The following RAB6A variants were observed in gnomAD, a reference collection of about 807,000 sequenced individuals.
RAB6A encodes ras-related protein Rab-6A.
A neutral mutation model predicts 32.3 loss-of-function variants in RAB6A; 8 were observed. The observed-to-expected ratio is 0.25, with a 90% CI of 0.15 to 0.45. RAB6A has a LOEUF of 0.45. Ranked by LOEUF, RAB6A falls within the 20% of genes least tolerant of loss-of-function variation. The pLI, the probability that RAB6A is intolerant of heterozygous loss-of-function variation, is 1.00. For missense variants in RAB6A, 104 were observed against 249.4 expected (o/e 0.42, Z 3.93); for synonymous variants, 73 against 82.1 (o/e 0.89, Z 0.60).
At chr11:73,732,587 A>C (rs12788426) in intron 1 of RAB6A, among the ~76,000 whole-genome samples, 73,281 of 151,870 alleles carry the variant, frequency 0.48, 19,040 homozygotes, top group East Asian at 0.6. Context: ...CTCTGTCTCA[A>C]AAAATATATA....
intron 3 of RAB6A, 186 bp from the exon 4 acceptor site, chr11:73,718,904 A>T (rs1386925928): frequency 3.0e-5 from 47 of 1,566,888 alleles, no homozygotes; most frequent in Non-Finnish European, 4.0e-5. Context: ...TGAGATGGGA[A>T]AAAATAAATA....
At chr11:73,755,010 C>T (rs1946725837) in intron 1 of RAB6A, among the ~76,000 whole-genome samples, 1 of 151,778 alleles carries the variant, frequency 6.6e-6, no homozygotes, top group Admixed American at 6.6e-5. Flanking sequence ...GCAACCTCCA[C>T]CTCCCGGGTT....
At chr11:73,717,752 G>C (rs1440093803) in intron 4 of RAB6A, among the ~76,000 whole-genome samples, 1 of 152,224 alleles carries the variant, frequency 6.6e-6, no homozygotes, top group Non-Finnish European at 1.5e-5. Context: ...CCTAAACCTA[G>C]CACTTTAGAA....
intron 6 of RAB6A, among the ~76,000 whole-genome samples, chr11:73,685,885 CAA>C (rs56270679): frequency 0.016 from 1,597 of 102,632 alleles, 21 homozygotes; most frequent in African/African-American, 0.069. Flanking sequence ...AACTCCGTCT[CAA>C]AAAAAAAAAA....
chr11:73,739,284 A>AAATATAT (rs1208877325), intron 1 of RAB6A, among the ~76,000 whole-genome samples: 17 of 6,756 alleles, frequency 2.5e-3, no homozygotes, highest in East Asian at 0.025. Flanking sequence ...AAAAAAAAAA[A>AAATATAT]ATATATATAT....
chr11:73,751,691 T>C (rs1247167355), intron 1 of RAB6A, among the ~76,000 whole-genome samples: 2 of 152,314 alleles, frequency 1.3e-5, no homozygotes, highest in Non-Finnish European at 2.9e-5. Flanking sequence ...AGCTGAGGGA[T>C]AGAGTACAAA....
intron 1 of RAB6A, among the ~76,000 whole-genome samples, chr11:73,738,068 TA>T (rs1354194304): frequency 8.6e-5 from 13 of 151,982 alleles, no homozygotes; most frequent in Non-Finnish European, 1.6e-4. Flanking sequence ...TTGATACAAG[TA>T]AATTATATGA....
intron 1 of RAB6A, among the ~76,000 whole-genome samples, chr11:73,745,121 T>C (rs182975015): frequency 6.6e-5 from 10 of 152,034 alleles, no homozygotes; most frequent in African/African-American, 2.2e-4. Flanking sequence ...TGGGAAAAAA[T>C]AGGAAAAATT....
At chr11:73,709,689 C>T (rs946545610) in intron 5 of RAB6A, among the ~76,000 whole-genome samples, 4 of 149,700 alleles carry the variant, frequency 2.7e-5, no homozygotes, top group African/African-American at 9.7e-5. Flanking sequence ...TCAAGTAGCC[C>T]TGGTTCCTTT....
At chr11:73,705,092 T>G (rs1945816767) in intron 6 of RAB6A, among the ~76,000 whole-genome samples, 1 of 152,218 alleles carries the variant, frequency 6.6e-6, no homozygotes, top group South Asian at 2.1e-4. Flanking sequence ...TGGTGCTTAC[T>G]GTATGCTATC....
At chr11:73,760,300 G>C (rs1946824239) in intron 1 of RAB6A, among the ~76,000 whole-genome samples, 1 of 152,152 alleles carries the variant, frequency 6.6e-6, no homozygotes, top group South Asian at 2.1e-4. Flanking sequence ...GGTGAGGTCT[G>C]GGGAGGGAGG....
Position 73,760,741 on chromosome 11 carries a change from C to T in RAB6A, c.-106G>A. On this transcript the variant is annotated 5_prime_UTR_variant, in exon 1 of 8. Transcript: ENST00000336083. ...CGAGCGGAAGGGCGGGCACCGAGCT[C>T]TCTCGGCCCCTGCAAGGCCCGGTGG... is the stretch of plus-strand genomic sequence containing the variant. 6.7e-7 allele frequency: 1 copy of T among 1,485,274 alleles called. No individual in the cohort carries two copies. The highest frequency in any genetic ancestry group is 1.3e-5 in the South Asian group (1 of 79,772). The allele number at this position is 1,485,274 out of a possible 1,614,324, so 92.0% of individuals were successfully genotyped here. A position where few individuals can be genotyped will look rare whatever the true frequency, so the allele number is the denominator to read the frequency against.
At chr11:73,758,894 T>C (rs1467018457) in intron 1 of RAB6A, among the ~76,000 whole-genome samples, 3 of 152,166 alleles carry the variant, frequency 2.0e-5, no homozygotes, top group African/African-American at 7.2e-5. Flanking sequence ...TCTACCAAGT[T>C]ACTCACCTAA....
intron 1 of RAB6A, among the ~76,000 whole-genome samples, chr11:73,757,119 ATATATATATATTTTTTTTTTTTTT>A (rs1334578787): frequency 2.2e-5 from 1 of 44,900 alleles, no homozygotes; most frequent in African/African-American, 1.1e-4. Flanking sequence ...ATATATATAT[ATATATATATATTTTTTTTTTTTTT>A]TTTTTTTTTT....
At position 73,676,262 on chromosome 11, in the gene RAB6A, T is replaced by C. The variant is rs1945268390; in HGVS notation, c.*1636A>G. 1 of 167,134 alleles carries C rather than the reference T, an allele frequency of 6.0e-6. No homozygotes were observed. The highest frequency in any genetic ancestry group is 6.5e-5 in the Admixed American group (1 of 15,286). The allele number at this position is 167,134 out of a possible 1,614,324, so 10.4% of individuals were successfully genotyped here. On this transcript the variant is annotated 3_prime_UTR_variant, in exon 8 of 8. Transcript: ENST00000336083. ...TGTTAAGTAATGCTTACAACATAAA[T>C]TCAGCAGGCTTTTCCTGAGCTGTAA...
intron 1 of RAB6A, among the ~76,000 whole-genome samples, chr11:73,756,838 T>C (rs566333874): frequency 5.1e-4 from 77 of 151,144 alleles, no homozygotes; most frequent in African/African-American, 1.8e-3. Context: ...CACGCCCAGC[T>C]AGTTTTTGGA....
Position 73,709,455 on chromosome 11 carries a change from TTATTATTAC to T in RAB6A, c.402-1951_402-1943del, listed in dbSNP as rs1262022931. ...CTTAAGTATATTATTATTATTATTA[TTATTATTAC>T]TATTATTATTATGACTCGTGGATTT... On this transcript the variant is annotated intron_variant, in intron 5 of 7. Coordinates refer to ENST00000336083, the MANE Select transcript of RAB6A (RefSeq NM_198896.2). 6.7e-3 allele frequency among the ~76,000 whole-genome samples: 902 copies of T among 135,434 alleles called. 12 individuals are homozygous for T. Among genetic ancestry groups the T allele is most frequent in the African/African-American group, 0.019 (732 of 38,936 alleles). The allele number at this position is 135,434 out of a possible 152,430, so 88.8% of individuals were successfully genotyped here.
chr11:73,721,443 CCACA>C (rs370383761), intron 2 of RAB6A, among the ~76,000 whole-genome samples: 74 of 152,174 alleles, frequency 4.9e-4, no homozygotes, highest in African/African-American at 1.7e-3. Context: ...TTCCTCTGTA[CCACA>C]CAATGATAGC....
At chr11:73,723,375 G>T (rs1342940427) in intron 2 of RAB6A, among the ~76,000 whole-genome samples, 1 of 151,768 alleles carries the variant, frequency 6.6e-6, no homozygotes, top group Non-Finnish European at 1.5e-5. Context: ...ACCCAGGCTG[G>T]AGTGCAGTGG....
Sources: allele counts gnomAD v4.1 joint callset (sites outside exome capture counted in the v4.1 genomes callset), GRCh38; gene constraint gnomAD v4.1.1; transcripts MANE v1.5; gene names NCBI Gene and HGNC (gene_info 2026-07-23, HGNC 2026-07-21).